Variants in OTOP2 observed in about 807,000 individuals in gnomAD.
OTOP2 encodes the protein proton channel OTOP2.
Under a neutral mutation model 47.4 loss-of-function variants are expected in OTOP2, and 41 were observed. The ratio of observed to expected loss-of-function variants is 0.87; its 90% CI spans 0.67 to 1.12. OTOP2 has a LOEUF of 1.12. Among genes scored for constraint, OTOP2 ranks in the 50% most tolerant of loss-of-function variants. The pLI, the probability that OTOP2 is intolerant of heterozygous loss-of-function variation, is 0.00. For missense variants in OTOP2, 721 were observed against 752.2 expected, an observed-to-expected ratio of 0.96 and a Z score of 0.49; for synonymous variants, 328 against 319.6, an observed-to-expected ratio of 1.03 and a Z score of -0.28.
rs1263195789 is a variant in OTOP2 at position 74,925,707 on chromosome 17, G to A, written c.450+15G>A. On this transcript the variant is annotated intron_variant, in intron 3 of 6. Coordinates refer to ENST00000331427, the MANE Select transcript of OTOP2 (RefSeq NM_178160.3). ...TCATCATCCAGGTGGGTGGAGGAGT[G>A]TCGCTGTGTGGAAGAAAGGAGCTAA... The A allele has an allele frequency of 1.9e-6, 3 of 1,613,782 alleles. No individual in the cohort carries two copies. Among genetic ancestry groups the A allele is most frequent in the Non-Finnish European group, 2.5e-6 (3 of 1,179,898 alleles).
At position 74,924,994 on chromosome 17, in the gene OTOP2, C is replaced by G; in HGVS notation, c.313+49C>G. 6.7e-7 allele frequency: 1 copy of G among 1,491,886 alleles called. No individual in the cohort carries two copies. The highest frequency in any genetic ancestry group is 8.9e-7 in the Non-Finnish European group (1 of 1,117,482). 92.4% of individuals were successfully genotyped at this position (1,491,886 alleles called of 1,614,324 possible). A position where few individuals can be genotyped will look rare whatever the true frequency, so the allele number is the denominator to read the frequency against. On this transcript the variant is annotated intron_variant, in intron 2 of 6. Transcript: ENST00000331427. The surrounding 1 kb of genome is among the most constrained non-coding windows in gnomAD (Gnocchi z 7.7). The stretch of plus-strand genomic sequence containing the variant: ...GTAGGGTGGGCACAACAGGGAGCTG[C>G]AGGCTAGGGCTCTCGCAGGAGTTGC...
rs771594938 is a variant in OTOP2 at position 74,925,692 on chromosome 17, G to A, written c.450G>A (p.Gln150=). The A allele has an allele frequency of 5.6e-6, 9 of 1,614,140 alleles. No individual in the cohort carries two copies. Among genetic ancestry groups the A allele is most frequent in the Non-Finnish European group, 7.6e-6 (9 of 1,180,004 alleles). The change falls in exon 3 of 7, where the codon CAG becomes CAA. Residue 150 remains glutamine (Q), a splice_region_variant and synonymous_variant. Transcript: ENST00000331427. The stretch of plus-strand genomic sequence containing the variant: ...TCCAGGCTGTGTTTGTCATCATCCA[G>A]GTGGGTGGAGGAGTGTCGCTGTGTG... ...PLIQAVFVII[Q]TYFLWVSAKD... is the part of the protein sequence containing the mutation.
At chr17:74,932,593 C>A (rs996953746) in intron 6 of OTOP2, among the ~76,000 whole-genome samples, 5 of 152,254 alleles carry the variant, frequency 3.3e-5, no homozygotes, top group African/African-American at 1.2e-4. Context: ...CTCCACCTTC[C>A]ACCCAGGCCT....
Position 74,930,991 on chromosome 17 carries a change from T to C in OTOP2, c.1356T>C (p.Asp452=), listed in dbSNP as rs1350812254. Residue 452 remains aspartate, a synonymous_variant, in exon 6 of 7, where the codon GAT becomes GAC. Transcript: ENST00000331427. The surrounding 1 kb of genome is among the most constrained non-coding windows in gnomAD (Gnocchi z 4.0). ...PCQDLTFTNL[D]ALHTLSACPP... is the part of the protein sequence containing the mutation. ...AAGACCTCACCTTCACCAACCTGGATGCCCTCCACACGTTGTCCGCCTGCC... is the reference window on the plus strand; with the variant it reads ...AAGACCTCACCTTCACCAACCTGGACGCCCTCCACACGTTGTCCGCCTGCC... 10 of 1,614,012 alleles carry C rather than the reference T, an allele frequency of 6.2e-6. No homozygotes were observed. Among genetic ancestry groups the C allele is most frequent in the Non-Finnish European group, 8.5e-6 (10 of 1,180,006 alleles).
In OTOP2 at chr17:74,931,010, G is replaced by A. The variant is rs201521524; in HGVS notation, c.1375G>A (p.Ala459Thr). 1.4e-5 allele frequency: 22 copies of A among 1,614,098 alleles called. No individual in the cohort carries two copies. Among genetic ancestry groups the A allele is most frequent in the African/African-American group, 8.0e-5 (6 of 75,034 alleles). Reference sequence around the variant, plus strand: ...CCTGGATGCCCTCCACACGTTGTCCGCCTGCCCACCCAACCCCGGGCTGGT... The same window carrying A: ...CCTGGATGCCCTCCACACGTTGTCCACCTGCCCACCCAACCCCGGGCTGGT... ...TNLDALHTLS[A>T]CPPNPGLVSP... is the part of the protein sequence containing the mutation. Residue 459 changes from alanine (A) to threonine (T), a missense_variant, in exon 6 of 7, where the codon GCC becomes ACC. Physicochemically the swap from Ala to Thr is moderately conservative, Grantham distance 58. Coordinates refer to ENST00000331427, the MANE Select transcript of OTOP2 (RefSeq NM_178160.3).
intron 6 of OTOP2, among the ~76,000 whole-genome samples, chr17:74,932,906 C>T (rs567048871): frequency 1.6e-3 from 236 of 152,236 alleles, no homozygotes; most frequent in Non-Finnish European, 3.1e-3. Context: ...GAGGGGAGAG[C>T]TGGAGGGCAG....
intron 5 of OTOP2, among the ~76,000 whole-genome samples, chr17:74,929,920 C>T (rs369417734): frequency 2.0e-5 from 3 of 152,198 alleles, no homozygotes; most frequent in African/African-American, 4.8e-5. Flanking sequence ...TGGTGGCTCA[C>T]GCCTGTAATC....
Position 74,930,613 on chromosome 17 carries a change from C to T in OTOP2, c.978C>T (p.Val326=). 14 of 1,614,008 alleles carry T rather than the reference C, an allele frequency of 8.7e-6. No homozygotes were observed. Among genetic ancestry groups the T allele is most frequent in the African/African-American group, 1.3e-5 (1 of 75,028 alleles). The change falls in exon 6 of 7, where the codon GTC becomes GTT. Residue 326 remains valine, a synonymous_variant. Coordinates refer to ENST00000331427, the MANE Select transcript of OTOP2 (RefSeq NM_178160.3). This position sits in a 1 kb window ranked among gnomAD's most constrained non-coding sequence, Gnocchi z 4.0. ...GGAGCCGCACCAGGCAGGCCCTGGT[C>T]ATCTACTACAGCTTCAACATTGTCT... The part of the protein sequence containing the change: ...GDGSRTRQAL[V]IYYSFNIVCL...
intron 5 of OTOP2, 77 bp downstream of exon 5, chr17:74,927,875 T>C (rs2039024056): frequency 6.6e-7 from 1 of 1,525,388 alleles, no homozygotes; most frequent in Non-Finnish European, 8.9e-7. Flanking sequence ...AACGTCAGTC[T>C]CCTGTGCCCT....
intron 4 of OTOP2, 183 bp from the exon 5 acceptor site, chr17:74,927,482 G>C (rs1020472875): frequency 9.6e-7 from 1 of 1,046,574 alleles, no homozygotes; most frequent in African/African-American, 1.6e-5. Context: ...GGTGGCCCCC[G>C]GGAAAACCTC....
Position 74,927,713 on chromosome 17 carries a change from G to T in OTOP2, c.558G>T (p.Ala186=). 6.2e-7 allele frequency: 1 copy of T among 1,614,110 alleles called. No individual in the cohort carries two copies. The highest frequency in any genetic ancestry group is 8.5e-7 in the Non-Finnish European group (1 of 1,179,988). The change falls in exon 5 of 7, where the codon GCG becomes GCT. Residue 186 remains alanine, a synonymous_variant. Transcript: ENST00000331427. The part of the protein sequence containing the change: ...TLTTNLAIWM[A]AVVDESVHQS... ...CCACCAACCTGGCCATCTGGATGGC[G>T]GCCGTGGTGGATGAATCTGTGCACC... is the stretch of plus-strand genomic sequence containing the variant.
chr17:74,932,320 A>G (rs533178993), intron 6 of OTOP2, among the ~76,000 whole-genome samples: 3 of 152,178 alleles, frequency 2.0e-5, no homozygotes, highest in Non-Finnish European at 4.4e-5. Flanking sequence ...ATTCTACCCC[A>G]TGAAATCCTA....
At position 74,932,757 on chromosome 17, in the gene OTOP2, CAG is replaced by C. The variant is rs1296600138; in HGVS notation, c.1519-617_1519-616del. ...CAATGTGCCCAAGGATGAAGTTAAT[CAG>C]GGGTAGGGGTGGAGCTAGCCTAGAA... On this transcript the variant is annotated intron_variant, in intron 6 of 6. Transcript: ENST00000331427. 2.6e-5 allele frequency among the ~76,000 whole-genome samples: 4 copies of C among 152,204 alleles called. No homozygotes were observed. The East Asian group carries it at 7.7e-4, about 29-fold the overall frequency.
At position 74,933,260 on chromosome 17, in the gene OTOP2, G is replaced by A. The variant is rs1001722902; in HGVS notation, c.1519-115G>A. Reference sequence around the variant, plus strand: ...CATTCACTGACACCCAGCCCTCCGTGTCCACCAAGCTAGAAGGATGGGCCG... The same window carrying A: ...CATTCACTGACACCCAGCCCTCCGTATCCACCAAGCTAGAAGGATGGGCCG... On this transcript the variant is annotated intron_variant, in intron 6 of 6. Transcript: ENST00000331427. This position sits in a 1 kb window ranked among gnomAD's most constrained non-coding sequence, Gnocchi z 4.7. The A allele has an allele frequency of 2.3e-6, 3 of 1,289,674 alleles. No individual in the cohort carries two copies. The highest frequency in any genetic ancestry group is 3.2e-6 in the Non-Finnish European group (3 of 930,806). The allele number at this position is 1,289,674 out of a possible 1,614,324, so 79.9% of individuals were successfully genotyped here. A position where few individuals can be genotyped will look rare whatever the true frequency, so the allele number is the denominator to read the frequency against.
chr17:74,930,420 G>A lies in OTOP2; in HGVS notation c.785G>A (p.Trp262Ter). The A allele has an allele frequency of 6.2e-7, 1 of 1,614,192 alleles. No homozygotes were observed. Among genetic ancestry groups the A allele is most frequent in the African/African-American group, 1.3e-5 (1 of 75,040 alleles). ...LFASTMLYVM[W>*]KNVGRFLAST... Reference sequence around the variant, plus strand: ...GCCTCCACCATGCTGTATGTCATGTGGAAGAATGTGGGTAGATTCCTGGCC... The same window carrying A: ...GCCTCCACCATGCTGTATGTCATGTAGAAGAATGTGGGTAGATTCCTGGCC... The change falls in exon 6 of 7, where the codon TGG becomes TAG. Residue 262 changes from tryptophan to a stop codon, truncating the protein, a stop_gained. Coordinates refer to ENST00000331427, the MANE Select transcript of OTOP2 (RefSeq NM_178160.3). LOFTEE classifies it high-confidence loss of function. This position sits in a 1 kb window ranked among gnomAD's most constrained non-coding sequence, Gnocchi z 4.0.
Position 74,933,424 on chromosome 17 carries a change from T to C in OTOP2, c.1568T>C (p.Val523Ala), listed in dbSNP as rs766352913. ...FGARPHFSNT[V>A]EVDFYGYSLW... ...GCCCGCCCTCATTTCAGCAACACAG[T>C]GGAGGTGGATTTCTACGGCTACTCC... is the stretch of plus-strand genomic sequence containing the variant. The change falls in exon 7 of 7, where the codon GTG (valine) becomes GCG (alanine). Residue 523 changes from valine (V) to alanine (A), a missense_variant. Val to Ala is a moderately conservative substitution (Grantham distance 64). Coordinates refer to ENST00000331427, the MANE Select transcript of OTOP2 (RefSeq NM_178160.3). This position sits in a 1 kb window ranked among gnomAD's most constrained non-coding sequence, Gnocchi z 4.7. 2 of 1,613,984 alleles carry C rather than the reference T, an allele frequency of 1.2e-6. No individual in the cohort carries two copies. The highest frequency in any genetic ancestry group is 1.1e-5 in the South Asian group (1 of 91,064).
In OTOP2 at chr17:74,933,282, G is replaced by A; in HGVS notation, c.1519-93G>A. On this transcript the variant is annotated intron_variant, in intron 6 of 6. Coordinates refer to ENST00000331427, the MANE Select transcript of OTOP2 (RefSeq NM_178160.3). The surrounding 1 kb of genome is among the most constrained non-coding windows in gnomAD (Gnocchi z 4.7). ...CGTGTCCACCAAGCTAGAAGGATGG[G>A]CCGCCATCTAGCCACGGCCCAGCAA... The A allele has an allele frequency of 2.8e-6, 4 of 1,446,370 alleles. No individual in the cohort carries two copies. Among genetic ancestry groups the A allele is most frequent in the Non-Finnish European group, 3.8e-6 (4 of 1,063,174 alleles). The allele number at this position is 1,446,370 out of a possible 1,614,324, so 89.6% of individuals were successfully genotyped here.
In OTOP2 at chr17:74,933,479, C is replaced by G. The variant is rs2039078355; in HGVS notation, c.1623C>G (p.Leu541=). Residue 541 remains leucine, a synonymous_variant, in exon 7 of 7, where the codon CTC becomes CTG. Coordinates refer to ENST00000331427, the MANE Select transcript of OTOP2 (RefSeq NM_178160.3). This position sits in a 1 kb window ranked among gnomAD's most constrained non-coding sequence, Gnocchi z 4.7. ...SLWAVIVNIC[L]PFGIFYRMHA... ...GGGCGGTCATCGTCAACATCTGCCT[C>G]CCTTTCGGCATCTTCTACCGCATGC... 1 of 1,614,188 alleles carries G rather than the reference C, an allele frequency of 6.2e-7. No individual in the cohort carries two copies. The highest frequency in any genetic ancestry group is 8.5e-7 in the Non-Finnish European group (1 of 1,180,010).
At chr17:74,928,524 C>A (rs767462941) in intron 5 of OTOP2, among the ~76,000 whole-genome samples, 2 of 152,016 alleles carry the variant, frequency 1.3e-5, no homozygotes, top group South Asian at 2.1e-4. Flanking sequence ...GTAAGGGTGG[C>A]AATTTACTGA....
Sources: gnomAD v4.1 joint callset for allele counts (sites outside exome capture counted in the v4.1 genomes callset) on GRCh38, gnomAD v4.1.1 for gene constraint, Gnocchi (gnomAD v3.1) non-coding constraint, MANE v1.5 for transcripts, NCBI Gene and HGNC (gene_info 2026-07-23, HGNC 2026-07-21) for gene names.